The following ZPBP variants were observed in gnomAD, a reference collection of about 807,000 sequenced individuals.
ZPBP encodes zona pellucida binding protein.
A neutral mutation model predicts 44.8 loss-of-function variants in ZPBP; 26 were observed. The observed-to-expected ratio is 0.58, with a 90% CI of 0.43 to 0.81. ZPBP has a LOEUF of 0.81. Among genes scored for constraint, ZPBP ranks in the 30% least tolerant of loss-of-function variants. The probability of loss-of-function intolerance (pLI) is 0.00; values close to 1 mark genes in which losing one functional copy is unlikely to be tolerated. For missense variants in ZPBP, 409 were observed against 434.0 expected, an observed-to-expected ratio of 0.94 and a Z score of 0.51; for synonymous variants, 174 against 153.2, an observed-to-expected ratio of 1.14 and a Z score of -1.00.
At chr7:50,070,820 T>A (rs1194150527) in intron 3 of ZPBP, among the ~76,000 whole-genome samples, 1 of 152,190 alleles carries the variant, frequency 6.6e-6, no homozygotes. Flanking sequence ...TTATATTGTT[T>A]TTTACTTTTC....
At position 49,852,430 on chromosome 7, in the gene ZPBP, A is replaced by G. The variant is rs555519415; in HGVS notation, n.510-1916T>C. On this transcript the variant is annotated intron_variant and non_coding_transcript_variant, in intron 2 of 2. Transcript: ENST00000465922. ...AACAAGGTGACCGGTGCTGTTTTGC[A>G]CTTGCTAGAAATCTGATTTGTGCAT... 2.0e-5 allele frequency among the ~76,000 whole-genome samples: 3 copies of G among 152,326 alleles called. No individual in the cohort carries two copies. The East Asian group carries it at 5.8e-4, about 29-fold the overall frequency.
At chr7:49,904,993 C>T (rs1483284728) in intron 1 of ZPBP, among the ~76,000 whole-genome samples, 2 of 152,086 alleles carry the variant, frequency 1.3e-5, no homozygotes, top group East Asian at 3.9e-4. Context: ...CTCAGCCTCC[C>T]AAAGTGCTGG....
At chr7:49,971,834 C>G (rs924147955) in intron 7 of ZPBP, among the ~76,000 whole-genome samples, 2 of 151,814 alleles carry the variant, frequency 1.3e-5, no homozygotes, top group African/African-American at 4.8e-5. Flanking sequence ...TATTACTGAT[C>G]CAAAATTCAA....
chr7:49,973,450 GC>G (rs984640045), intron 7 of ZPBP, among the ~76,000 whole-genome samples: 5 of 151,880 alleles, frequency 3.3e-5, no homozygotes, highest in Non-Finnish European at 7.4e-5. Flanking sequence ...CATCTGATAA[GC>G]TATTAATGTC....
intron 4 of ZPBP, among the ~76,000 whole-genome samples, chr7:50,057,010 C>T (rs1800972614): frequency 1.3e-5 from 2 of 151,982 alleles, no homozygotes; most frequent in Admixed American, 1.3e-4. Flanking sequence ...ACGGTGAAAC[C>T]CCATCTCTAC....
chr7:49,913,316 C>T (rs1003144603), intron 1 of ZPBP: 3 of 152,154 alleles, frequency 2.0e-5, no homozygotes, highest in South Asian at 4.1e-4. Context: ...CTTTTCTCTT[C>T]ATTTGAACAG....
intron 7 of ZPBP, chr7:49,940,898 G>T: frequency 3.8e-6 from 2 of 519,488 alleles, no homozygotes; most frequent in Non-Finnish European, 4.9e-6. Flanking sequence ...CATAGGTGGG[G>T]CAAGAGATTT....
chr7:50,037,476 G>A (rs145888449), intron 4 of ZPBP, among the ~76,000 whole-genome samples: 1 of 152,290 alleles, frequency 6.6e-6, no homozygotes, highest in Non-Finnish European at 1.5e-5. Context: ...GAAAGCCTCA[G>A]GAAACTCACA....
intron 7 of ZPBP, among the ~76,000 whole-genome samples, chr7:49,966,402 A>G (rs1796064228): frequency 6.6e-6 from 1 of 152,192 alleles, no homozygotes; most frequent in Non-Finnish European, 1.5e-5. Context: ...CTTTTGAAGT[A>G]CAAATGGAAC....
intron 7 of ZPBP, among the ~76,000 whole-genome samples, chr7:49,977,173 A>G (rs1369681438): frequency 6.6e-6 from 1 of 150,814 alleles, no homozygotes; most frequent in Non-Finnish European, 1.5e-5. Flanking sequence ...GGCATTCCAC[A>G]CTGCTAATCC....
chr7:49,896,045 A>C (rs1401091216), intron 2 of ZPBP, among the ~76,000 whole-genome samples: 1 of 152,212 alleles, frequency 6.6e-6, no homozygotes, highest in Non-Finnish European at 1.5e-5. Context: ...ACGTTTAATG[A>C]AAAAGAAAGT....
At chr7:49,989,658 GT>G (rs1797474065) in intron 6 of ZPBP, among the ~76,000 whole-genome samples, 1 of 152,124 alleles carries the variant, frequency 6.6e-6, no homozygotes, top group Non-Finnish European at 1.5e-5. Context: ...TTGCTTTTAA[GT>G]TTTTGCCTAC....
intron 4 of ZPBP, among the ~76,000 whole-genome samples, chr7:50,040,327 A>ATAGTGGTG (rs1800013314): frequency 6.6e-6 from 1 of 152,234 alleles, no homozygotes; most frequent in Non-Finnish European, 1.5e-5. Flanking sequence ...CAAGAATGCA[A>ATAGTGGTG]TAGTGGTGAC....
At chr7:49,985,020 C>T (rs1439213285) in intron 6 of ZPBP, among the ~76,000 whole-genome samples, 1 of 152,042 alleles carries the variant, frequency 6.6e-6, no homozygotes, top group Non-Finnish European at 1.5e-5. Flanking sequence ...CAAAGATGCA[C>T]GTTACATTAA....
chr7:50,076,643 A>ATTG (rs1802096977), intron 3 of ZPBP, among the ~76,000 whole-genome samples: 2 of 151,486 alleles, frequency 1.3e-5, no homozygotes, highest in African/African-American at 4.8e-5. Context: ...AAGTAATCCC[A>ATTG]TTTACAACAG....
chr7:49,912,031 C>G, intron 1 of ZPBP: 1 of 1,610,160 alleles, frequency 6.2e-7, no homozygotes, highest in Non-Finnish European at 8.5e-7. Flanking sequence ...TTCTGCATTT[C>G]AGGTCCAAAC....
chr7:50,083,506 T>C (rs1386975206), intron 2 of ZPBP, among the ~76,000 whole-genome samples: 1 of 152,010 alleles, frequency 6.6e-6, no homozygotes, highest in Non-Finnish European at 1.5e-5. Context: ...ATACTGATTC[T>C]AAAATCCATT....
chr7:50,066,630 A>C (rs1680220445), intron 3 of ZPBP, among the ~76,000 whole-genome samples: 1 of 152,222 alleles, frequency 6.6e-6, no homozygotes, highest in African/African-American at 2.4e-5. Flanking sequence ...CAGTAATAAC[A>C]TAACAACAGA....
At chr7:50,090,252 G>A (rs767672793) in intron 1 of ZPBP, among the ~76,000 whole-genome samples, 1 of 150,808 alleles carries the variant, frequency 6.6e-6, no homozygotes, top group Admixed American at 6.6e-5. Flanking sequence ...CCATCCCACC[G>A]TTTCTCCCAC....
Sources: gnomAD v4.1 joint callset for allele counts (sites outside exome capture counted in the v4.1 genomes callset) on GRCh38, gnomAD v4.1.1 for gene constraint, MANE v1.5 for transcripts, NCBI Gene and HGNC (gene_info 2026-07-23, HGNC 2026-07-21) for gene names.